COLEC12: variants seen among roughly 807,000 people sequenced by gnomAD.
The protein encoded by COLEC12 is collectin-12.
In COLEC12, 33 loss-of-function variants were observed where a neutral mutation model predicts 71.1. The observed-to-expected ratio is 0.46, with a 90% CI of 0.35 to 0.62. The LOEUF (loss-of-function observed/expected upper bound fraction) is 0.62, where lower values mean the gene tolerates loss of function less well. Among genes scored for constraint, COLEC12 ranks in the 20% least tolerant of loss-of-function variants. COLEC12 has a pLI of 0.00. For missense variants in COLEC12, 765 were observed against 916.1 expected (o/e 0.84, Z 2.13); for synonymous variants, 350 against 353.0 (o/e 0.99, Z 0.10).
chr18:403,257 TG>T (rs1915723358), intron 2 of COLEC12, among the ~76,000 whole-genome samples: 1 of 152,358 alleles, frequency 6.6e-6, no homozygotes, highest in Non-Finnish European at 1.5e-5. Flanking sequence ...TTCTTACCAT[TG>T]GGTGTGTTTT....
intron 2 of COLEC12, among the ~76,000 whole-genome samples, chr18:394,941 A>C (rs1273548257): frequency 6.6e-6 from 1 of 152,214 alleles, no homozygotes; most frequent in African/African-American, 2.4e-5. Context: ...AACAAAACAA[A>C]AAAAACACCT....
rs1163246389 is a variant in COLEC12 at position 369,404 on chromosome 18, TTTA to T, written c.59-11885_59-11883del. On this transcript the variant is annotated intron_variant, in intron 2 of 9. Coordinates refer to ENST00000400256, the MANE Select transcript of COLEC12 (RefSeq NM_130386.3). ...ACAGATCTTTTTTTTTTTATTTTTT[TTTA>T]TTTTTATTTTTATTTTTATTTTTAT... 7.7e-4 allele frequency among the ~76,000 whole-genome samples: 104 copies of T among 134,850 alleles called. 1 individual carries two copies. Among genetic ancestry groups the T allele is most frequent in the East Asian group, 7.7e-3 (38 of 4,940 alleles). The allele number at this position is 134,850 out of a possible 152,430, so 88.5% of individuals were successfully genotyped here. A position where few individuals can be genotyped will look rare whatever the true frequency, so the allele number is the denominator to read the frequency against.
chr18:322,087 G>A (rs1913719636), intron 8 of COLEC12, among the ~76,000 whole-genome samples: 1 of 152,130 alleles, frequency 6.6e-6, no homozygotes, highest in Non-Finnish European at 1.5e-5. Context: ...AGCGAATCTT[G>A]CTTTGGGACA....
chr18:495,685 G>A (rs7235036), intron 1 of COLEC12, among the ~76,000 whole-genome samples: 79 of 152,142 alleles, frequency 5.2e-4, no homozygotes, highest in Non-Finnish European at 8.5e-4. Context: ...CCTTGTCTAC[G>A]TTGCTCACTC....
chr18:450,382 C>T (rs1431981864), intron 2 of COLEC12, among the ~76,000 whole-genome samples: 2 of 152,150 alleles, frequency 1.3e-5, no homozygotes, highest in East Asian at 1.9e-4. Flanking sequence ...TTAGCACTAA[C>T]CCTCTTTGGC....
intron 7 of COLEC12, 117 bp downstream of exon 7, chr18:332,890 C>A (rs2089046840): frequency 3.3e-6 from 3 of 898,844 alleles, no homozygotes; most frequent in South Asian, 3.7e-5. Context: ...TGTTGCCTCC[C>A]ATGTTTACGT....
chr18:324,711 C>T (rs1913795513), intron 8 of COLEC12, among the ~76,000 whole-genome samples: 1 of 152,092 alleles, frequency 6.6e-6, no homozygotes, highest in African/African-American at 2.4e-5. Flanking sequence ...TGCCCGGAGT[C>T]CCAGCTACTC....
intron 2 of COLEC12, among the ~76,000 whole-genome samples, chr18:392,252 A>G (rs1462492836): frequency 6.6e-6 from 1 of 152,210 alleles, no homozygotes; most frequent in Non-Finnish European, 1.5e-5. Context: ...CATGGCTATC[A>G]TTACCTACAA....
At chr18:355,684 T>C (rs1914615802) in intron 3 of COLEC12, among the ~76,000 whole-genome samples, 1 of 152,212 alleles carries the variant, frequency 6.6e-6, no homozygotes, top group African/African-American at 2.4e-5. Flanking sequence ...TAAAAGTACT[T>C]ATTAAATGGC....
In COLEC12 at chr18:462,247, T is replaced by C. The variant is rs145567070; in HGVS notation, c.58+18460A>G. 4.3e-4 allele frequency among the ~76,000 whole-genome samples: 66 copies of C among 152,266 alleles called. 1 individual carries two copies. In the East Asian group the frequency reaches 0.013, roughly 29 times the overall value. ...ACACAAAAGTTCACAGCAGCATTATTTATAATAGCCACAAAGTAGAAACTA... is the reference window on the plus strand; with the variant it reads ...ACACAAAAGTTCACAGCAGCATTATCTATAATAGCCACAAAGTAGAAACTA... On this transcript the variant is annotated intron_variant, in intron 2 of 9. Transcript: ENST00000400256.
At chr18:424,432 TC>T in intron 2 of COLEC12, 1 of 152,304 alleles carries the variant, frequency 6.6e-6, no homozygotes, top group East Asian at 1.9e-4. Context: ...GATCTTGGCG[TC>T]CCCATGGGTT....
intron 2 of COLEC12, among the ~76,000 whole-genome samples, chr18:478,316 G>A (rs1917343224): frequency 6.6e-6 from 1 of 152,194 alleles, no homozygotes; most frequent in Non-Finnish European, 1.5e-5. Flanking sequence ...AACAAAGGGA[G>A]AGTTAAATCA....
intron 2 of COLEC12, among the ~76,000 whole-genome samples, chr18:416,456 G>T (rs1915987908): frequency 6.6e-6 from 1 of 152,166 alleles, no homozygotes; most frequent in African/African-American, 2.4e-5. Context: ...TGTGACTTAT[G>T]GGTCTCTTTA....
intron 8 of COLEC12, among the ~76,000 whole-genome samples, chr18:329,651 G>T (rs1259808635): frequency 6.6e-6 from 1 of 152,240 alleles, no homozygotes; most frequent in Non-Finnish European, 1.5e-5. Context: ...GCGCAGAGGA[G>T]CCGACGAGTC....
At chr18:337,061 G>C (rs62089623) in intron 5 of COLEC12, among the ~76,000 whole-genome samples, 15,878 of 151,544 alleles carry the variant, frequency 0.1, 980 homozygotes, top group Admixed American at 0.16. Context: ...GTAGAGATAG[G>C]GCTCTCACTG....
intron 2 of COLEC12, among the ~76,000 whole-genome samples, chr18:445,081 A>G (rs938208079): frequency 2.0e-5 from 3 of 152,198 alleles, no homozygotes; most frequent in African/African-American, 7.2e-5. Flanking sequence ...GTTTTCCCAC[A>G]TGAAGTTTGG....
chr18:488,933 G>C (rs1336920192), intron 1 of COLEC12, among the ~76,000 whole-genome samples: 1 of 151,892 alleles, frequency 6.6e-6, no homozygotes, highest in Non-Finnish European at 1.5e-5. Flanking sequence ...TCATATAACA[G>C]GTGTTTCCCG....
chr18:368,738 CG>C (rs1001462920), intron 2 of COLEC12, among the ~76,000 whole-genome samples: 2 of 151,732 alleles, frequency 1.3e-5, no homozygotes, highest in Non-Finnish European at 2.9e-5. Flanking sequence ...TGGTGGCGGG[CG>C]CCTGTAGTCC....
At chr18:445,355 A>C (rs1267423407) in intron 2 of COLEC12, among the ~76,000 whole-genome samples, 7 of 152,232 alleles carry the variant, frequency 4.6e-5, no homozygotes, top group Non-Finnish European at 1.5e-5. Flanking sequence ...TATTTGCAAC[A>C]CAAGGCCTCA....
Sources: gnomAD v4.1 joint callset for allele counts (sites outside exome capture counted in the v4.1 genomes callset) on GRCh38, gnomAD v4.1.1 for gene constraint, MANE v1.5 for transcripts, NCBI Gene and HGNC (gene_info 2026-07-23, HGNC 2026-07-21) for gene names.